Variants in CFAP299 observed in about 807,000 individuals in gnomAD.
CFAP299 encodes the protein cilia- and flagella-associated protein 299.
CFAP299 carries 21 observed loss-of-function variants against 27.0 expected under a neutral mutation model. That is an observed-to-expected ratio of 0.78 (90% CI 0.55 to 1.12). The LOEUF (loss-of-function observed/expected upper bound fraction) is 1.12. Ranked by LOEUF, CFAP299 falls within the 50% of genes most tolerant of loss-of-function variation. The pLI is 0.00. For synonymous variants in CFAP299, 104 were observed against 98.1 expected, an observed-to-expected ratio of 1.06 and a Z score of -0.36; for missense variants, 310 against 276.6, an observed-to-expected ratio of 1.12 and a Z score of -0.86.
chr4:80,891,480 T>C (rs1298252017), intron 4 of CFAP299, among the ~76,000 whole-genome samples: 1 of 148,746 alleles, frequency 6.7e-6, no homozygotes, highest in Non-Finnish European at 1.5e-5. Flanking sequence ...ATGGATGAAA[T>C]TGGAATCCAT....
intron 2 of CFAP299, among the ~76,000 whole-genome samples, chr4:80,480,270 A>ATT (rs150131232): frequency 5.2e-4 from 79 of 151,806 alleles, no homozygotes; most frequent in African/African-American, 1.6e-3. Context: ...GCATAATAAA[A>ATT]TTTTTTTTAA....
intron 2 of CFAP299, among the ~76,000 whole-genome samples, chr4:80,398,624 ACTGT>A (rs142833144): frequency 0.71 from 106,792 of 151,460 alleles, 38,734 homozygotes; most frequent in Admixed American, 0.79. Flanking sequence ...TTCTGGGAAA[ACTGT>A]CTGGCCACAT....
intron 3 of CFAP299, among the ~76,000 whole-genome samples, chr4:80,747,624 T>C (rs921801174): frequency 2.2e-4 from 33 of 152,110 alleles, no homozygotes; most frequent in Admixed American, 2.2e-3. Flanking sequence ...CCATAATGTC[T>C]TGGTAGTACT....
At chr4:80,390,723 A>AT (rs1725354165) in intron 2 of CFAP299, among the ~76,000 whole-genome samples, 1 of 118,596 alleles carries the variant, frequency 8.4e-6, no homozygotes, top group Non-Finnish European at 1.7e-5. Flanking sequence ...ATACACACAT[A>AT]CATGTATATA....
chr4:80,590,775 A>C (rs142393196), intron 3 of CFAP299, among the ~76,000 whole-genome samples: 2,202 of 152,354 alleles, frequency 0.014, 25 homozygotes, highest in Non-Finnish European at 0.021. Context: ...AAAACTGTAT[A>C]GTACACATTG....
At chr4:80,456,181 G>A (rs1729144516) in intron 2 of CFAP299, among the ~76,000 whole-genome samples, 1 of 152,092 alleles carries the variant, frequency 6.6e-6, no homozygotes, top group South Asian at 2.1e-4. Context: ...AAGGAGGTGA[G>A]TGTGGCTGGA....
At chr4:80,933,958 C>T (rs375900537) in intron 4 of CFAP299, among the ~76,000 whole-genome samples, 23 of 152,210 alleles carry the variant, frequency 1.5e-4, no homozygotes, top group African/African-American at 5.5e-4. Context: ...GGTCTTACAG[C>T]ACTACATTGA....
At chr4:80,896,964 T>C (rs1216436710) in intron 4 of CFAP299, among the ~76,000 whole-genome samples, 1 of 152,160 alleles carries the variant, frequency 6.6e-6, no homozygotes, top group African/African-American at 2.4e-5. Context: ...GAAAGACTGC[T>C]GTAAGAAAAT....
chr4:80,825,089 C>G (rs1018901036), intron 3 of CFAP299, among the ~76,000 whole-genome samples: 5 of 149,252 alleles, frequency 3.4e-5, no homozygotes, highest in Non-Finnish European at 5.9e-5. Flanking sequence ...AAGAAACCAA[C>G]AAGATGTTCT....
intron 2 of CFAP299, among the ~76,000 whole-genome samples, chr4:80,445,823 T>A (rs56165070): frequency 0.09 from 13,624 of 152,216 alleles, 1,490 homozygotes; most frequent in African/African-American, 0.26. Flanking sequence ...TATACATAAT[T>A]TGTTGGCATC....
At chr4:80,730,248 CTGTGTGTGTGTG>C (rs34594345) in intron 3 of CFAP299, among the ~76,000 whole-genome samples, 4 of 130,882 alleles carry the variant, frequency 3.1e-5, no homozygotes, top group East Asian at 4.3e-4. Context: ...CTCTCTCTCT[CTGTGTGTGTGTG>C]TGTGTGTGTG....
intron 2 of CFAP299, among the ~76,000 whole-genome samples, chr4:80,488,722 C>T (rs1403919688): frequency 1.3e-5 from 2 of 152,188 alleles, no homozygotes; most frequent in African/African-American, 4.8e-5. Context: ...GTGATCCGCC[C>T]ACCTTGGCCT....
At chr4:80,943,153 AACAG>A (rs1296551059) in intron 4 of CFAP299, among the ~76,000 whole-genome samples, 1 of 152,218 alleles carries the variant, frequency 6.6e-6, no homozygotes, top group Non-Finnish European at 1.5e-5. Context: ...GAATTGACTA[AACAG>A]ACAAAGATAT....
intron 2 of CFAP299, among the ~76,000 whole-genome samples, chr4:80,403,596 AT>A: frequency 6.6e-6 from 1 of 152,070 alleles, no homozygotes; most frequent in Non-Finnish European, 1.5e-5. Context: ...TGTCATTCTG[AT>A]TTTAGTTCAT....
At chr4:80,644,505 A>G (rs546259154) in intron 3 of CFAP299, among the ~76,000 whole-genome samples, 1 of 152,176 alleles carries the variant, frequency 6.6e-6, no homozygotes, top group Non-Finnish European at 1.5e-5. Flanking sequence ...GGTTCTTTCC[A>G]TTAAAATAAT....
rs1445571622 is a variant in CFAP299 at position 80,727,672 on chromosome 4, A to G, written c.334-142321A>G. Among the ~76,000 whole-genome samples, 3 of 152,116 alleles carry G rather than the reference A, an allele frequency of 2.0e-5. 1 individual carries two copies. The highest frequency in any genetic ancestry group is 2.0e-4 in the Admixed American group (3 of 15,274). On this transcript the variant is annotated intron_variant, in intron 3 of 5. Coordinates refer to ENST00000358105, the MANE Select transcript of CFAP299 (RefSeq NM_152770.3). ...AAAATACTGTCATTTACTTGTAAGA[A>G]TTAAATAAATGATATCTATTAACTT...
intron 3 of CFAP299, among the ~76,000 whole-genome samples, chr4:80,645,680 A>G (rs946162763): frequency 1.3e-5 from 2 of 152,192 alleles, no homozygotes; most frequent in African/African-American, 4.8e-5. Context: ...AATAACTAGG[A>G]AAAAAGGAAG....
At position 80,941,992 on chromosome 4, in the gene CFAP299, G is replaced by T. The variant is rs759656536; in HGVS notation, c.477-2818G>T. ...GATTACAATTCAACATGAGATTTGG[G>T]AAGGGACACAGATCCAAACCATATC... On this transcript the variant is annotated intron_variant, in intron 4 of 5. Coordinates refer to ENST00000358105, the MANE Select transcript of CFAP299 (RefSeq NM_152770.3). 1.3e-4 allele frequency among the ~76,000 whole-genome samples: 20 copies of T among 152,148 alleles called. 1 individual carries two copies. Among genetic ancestry groups the T allele is most frequent in the Middle Eastern group, 3.2e-3 (1 of 316 alleles).
At chr4:80,643,049 C>T (rs926710457) in intron 3 of CFAP299, among the ~76,000 whole-genome samples, 1 of 152,076 alleles carries the variant, frequency 6.6e-6, no homozygotes. Context: ...GTAATCCCAG[C>T]ACTTTGGGAG....
Sources: allele counts gnomAD v4.1 joint callset (sites outside exome capture counted in the v4.1 genomes callset), GRCh38; gene constraint gnomAD v4.1.1; transcripts MANE v1.5; gene names NCBI Gene and HGNC (gene_info 2026-07-23, HGNC 2026-07-21).